The following CAPZB variants were observed in gnomAD, a reference collection of about 807,000 sequenced individuals.
The protein encoded by CAPZB is capping actin protein of muscle Z-line subunit beta, also known as F-actin-capping protein subunit beta.
Under a neutral mutation model 38.1 loss-of-function variants are expected in CAPZB, and 2 were observed. That is an observed-to-expected ratio of 0.05 (90% CI 0.02 to 0.17). CAPZB has a LOEUF of 0.17. CAPZB is among the 10% of genes least tolerant of loss of function. The pLI is 1.00. For missense variants in CAPZB, 161 were observed against 334.2 expected (o/e 0.48, Z 4.04); for synonymous variants, 107 against 127.4 (o/e 0.84, Z 1.08).
At chr1:19,456,791 C>T (rs570386370) in intron 1 of CAPZB, among the ~76,000 whole-genome samples, 1 of 152,304 alleles carries the variant, frequency 6.6e-6, no homozygotes, top group African/African-American at 2.4e-5. Flanking sequence ...AACAAAAACC[C>T]AATAATGTTA....
chr1:19,421,672 A>G (rs1047371947), intron 1 of CAPZB, among the ~76,000 whole-genome samples: 24 of 152,236 alleles, frequency 1.6e-4, no homozygotes, highest in Non-Finnish European at 3.1e-4. Context: ...ACACACAGAT[A>G]AGCTGATTCG....
intron 1 of CAPZB, among the ~76,000 whole-genome samples, chr1:19,445,675 A>G (rs1044129209): frequency 2.6e-5 from 4 of 152,202 alleles, no homozygotes; most frequent in Non-Finnish European, 4.4e-5. Context: ...CCAGACAGAA[A>G]GTGAATGGTG....
intron 4 of CAPZB, among the ~76,000 whole-genome samples, chr1:19,369,076 G>A (rs1311377679): frequency 6.6e-6 from 1 of 152,214 alleles, no homozygotes; most frequent in African/African-American, 2.4e-5. Flanking sequence ...TGATGCTGAC[G>A]TGGGGATCAT....
rs1467450045 is a variant in CAPZB at position 19,339,402 on chromosome 1, G to A, written c.*128C>T. On this transcript the variant is annotated 3_prime_UTR_variant, in exon 9 of 9. Transcript: ENST00000264202. ...TTCTCAGGGAGAGATGGCGCTGTGC[G>A]GTCAATGATGCAGCTGTTATGTGAC... is the stretch of plus-strand genomic sequence containing the variant. 1.2e-5 allele frequency: 9 copies of A among 751,424 alleles called. No homozygotes were observed. The highest frequency in any genetic ancestry group is 5.2e-5 in the African/African-American group (3 of 58,204). 46.5% of individuals were successfully genotyped at this position (751,424 alleles called of 1,614,324 possible).
At chr1:19,395,082 C>T (rs923833030) in intron 2 of CAPZB, among the ~76,000 whole-genome samples, 1 of 152,160 alleles carries the variant, frequency 6.6e-6, no homozygotes, top group Non-Finnish European at 1.5e-5. Context: ...TAAGCCACGA[C>T]GCTTGGCAGG....
At chr1:19,428,902 C>T (rs2094432937) in intron 1 of CAPZB, among the ~76,000 whole-genome samples, 1 of 152,120 alleles carries the variant, frequency 6.6e-6, no homozygotes. Flanking sequence ...CACCATCCTC[C>T]TACATTCAAC....
chr1:19,358,742 G>A (rs1320607382), intron 4 of CAPZB, among the ~76,000 whole-genome samples: 2 of 152,182 alleles, frequency 1.3e-5, no homozygotes, highest in African/African-American at 2.4e-5. Context: ...CTCATCTCTC[G>A]TGGTGAGCAC....
At chr1:19,378,719 G>T in intron 3 of CAPZB, 66 bp from the exon 4 acceptor site, 1 of 857,306 alleles carries the variant, frequency 1.2e-6, no homozygotes, top group Non-Finnish European at 1.9e-6. Flanking sequence ...AGCGAGCAGG[G>T]AGCCTGAGCC....
chr1:19,436,219 C>G (rs1445762330), intron 1 of CAPZB, among the ~76,000 whole-genome samples: 1 of 152,216 alleles, frequency 6.6e-6, no homozygotes, highest in Non-Finnish European at 1.5e-5. Flanking sequence ...GTGATGAAAT[C>G]TCATGCCTTC....
chr1:19,484,475 C>A, intron 1 of CAPZB: 2 of 1,441,942 alleles, frequency 1.4e-6, no homozygotes, highest in Non-Finnish European at 1.8e-6. Flanking sequence ...GCGGCAGCCT[C>A]GAGAAGGGCC....
At chr1:19,484,311 T>C (rs1399905592) in intron 1 of CAPZB, 2 of 1,598,770 alleles carry the variant, frequency 1.3e-6, no homozygotes, top group East Asian at 2.3e-5. Flanking sequence ...ATCCAGGGCC[T>C]GGTGGCCCCC....
At chr1:19,428,145 G>T (rs2094429872) in intron 1 of CAPZB, among the ~76,000 whole-genome samples, 1 of 152,256 alleles carries the variant, frequency 6.6e-6, no homozygotes, top group Non-Finnish European at 1.5e-5. Context: ...GCTCACGCCT[G>T]TAATCCCAGC....
chr1:19,366,311 A>ATATATATATATATATATAT lies in CAPZB; in HGVS notation c.330-8749_330-8748insATATATATATATATATATA, dbSNP rs1558189927. Among the ~76,000 whole-genome samples the ATATATATATATATATATAT allele has an allele frequency of 2.1e-3, 134 of 63,068 alleles. 7 individuals are homozygous for ATATATATATATATATATAT. The highest frequency in any genetic ancestry group is 7.6e-3 in the Admixed American group (42 of 5,560). The allele number at this position is 63,068 out of a possible 152,430, so 41.4% of individuals were successfully genotyped here. A position where few individuals can be genotyped will look rare whatever the true frequency, so the allele number is the denominator to read the frequency against. On this transcript the variant is annotated intron_variant, in intron 4 of 8. Coordinates refer to ENST00000264202, the MANE Select transcript of CAPZB (RefSeq NM_004930.5). ...ATATATATATATATATATATATATAAATAAAATAAATGGTCATGAGGGACA... is the reference window on the plus strand; with the variant it reads ...ATATATATATATATATATATATATAATATATATATATATATATATATAAAATAAATGGTCATGAGGGACA...
chr1:19,381,648 T>C (rs4478836), intron 3 of CAPZB, among the ~76,000 whole-genome samples: 17,371 of 150,630 alleles, frequency 0.12, 2,210 homozygotes, highest in African/African-American at 0.32. Context: ...TGGTCCACTG[T>C]ACAGGACCAT....
chr1:19,453,349 C>T (rs2094522853), intron 1 of CAPZB, among the ~76,000 whole-genome samples: 1 of 152,154 alleles, frequency 6.6e-6, no homozygotes, highest in African/African-American at 2.4e-5. Flanking sequence ...GCAGCCTCCA[C>T]CTCCCAGGTT....
chr1:19,429,276 T>C (rs192730405), intron 1 of CAPZB, among the ~76,000 whole-genome samples: 18 of 151,226 alleles, frequency 1.2e-4, no homozygotes, highest in African/African-American at 3.9e-4. Flanking sequence ...TCTGCTCTCA[T>C]TTCAAACAAA....
intron 1 of CAPZB, among the ~76,000 whole-genome samples, chr1:19,463,751 C>G (rs1408489265): frequency 6.6e-6 from 1 of 152,244 alleles, no homozygotes; most frequent in Non-Finnish European, 1.5e-5. Flanking sequence ...ATAAAGACTT[C>G]ATATGCATCT....
At chr1:19,353,629 C>T (rs1190835170) in intron 6 of CAPZB, among the ~76,000 whole-genome samples, 1 of 152,190 alleles carries the variant, frequency 6.6e-6, no homozygotes, top group Non-Finnish European at 1.5e-5. Context: ...CAGCTTCCCC[C>T]TGACCACCCA....
At chr1:19,446,830 G>T (rs2094497512) in intron 1 of CAPZB, among the ~76,000 whole-genome samples, 1 of 152,040 alleles carries the variant, frequency 6.6e-6, no homozygotes, top group Non-Finnish European at 1.5e-5. Flanking sequence ...TTTTTCTTTA[G>T]GTGGAAAGAT....
Sources: gnomAD v4.1 joint callset for allele counts (sites outside exome capture counted in the v4.1 genomes callset) on GRCh38, gnomAD v4.1.1 for gene constraint, MANE v1.5 for transcripts, NCBI Gene and HGNC (gene_info 2026-07-23, HGNC 2026-07-21) for gene names.